The following PHLPP2 variants were observed in gnomAD, a reference collection of about 807,000 sequenced individuals.
The protein encoded by PHLPP2 is PH domain and leucine rich repeat protein phosphatase 2, also known as PH domain leucine-rich repeat-containing protein phosphatase 2.
In PHLPP2, 66 loss-of-function variants were observed where a neutral mutation model predicts 124.9. That is an observed-to-expected ratio of 0.53 (90% CI 0.43 to 0.65). PHLPP2 has a LOEUF of 0.65. Ranked by LOEUF, PHLPP2 falls within the 30% of genes least tolerant of loss-of-function variation. The pLI, the probability that PHLPP2 is intolerant of heterozygous loss-of-function variation, is 0.00. For synonymous variants in PHLPP2, 681 were observed against 624.7 expected (o/e 1.09, Z -1.34); for missense variants, 1,685 against 1,600.4 (o/e 1.05, Z -0.90).
chr16:71,707,747 G>T (rs1469322863), intron 2 of PHLPP2, among the ~76,000 whole-genome samples: 1 of 152,160 alleles, frequency 6.6e-6, no homozygotes, highest in Non-Finnish European at 1.5e-5. Context: ...TCAGTTGGCT[G>T]GTGCTGATTT....
At position 71,653,024 on chromosome 16, in the gene PHLPP2, G is replaced by T; in HGVS notation, c.2586-3C>A. On this transcript the variant is annotated splice_region_variant and splice_polypyrimidine_tract_variant and intron_variant, in intron 17 of 18. Coordinates refer to ENST00000568954, the MANE Select transcript of PHLPP2 (RefSeq NM_015020.3). ...TCTGGCCAGCCATTCCTAATTTCCT[G>T]TTCAGAAAGAAAAGGAAAAGAAGAC... The T allele has an allele frequency of 1.9e-6, 3 of 1,599,346 alleles. No individual in the cohort carries two copies. The highest frequency in any genetic ancestry group is 2.6e-6 in the Non-Finnish European group (3 of 1,169,914).
At chr16:71,684,689 A>C (rs1378401108) in intron 4 of PHLPP2, 88 bp from the exon 5 acceptor site, 2 of 1,239,464 alleles carry the variant, frequency 1.6e-6, no homozygotes, top group African/African-American at 1.5e-5. Flanking sequence ...CGAACAACTG[A>C]ATTTTTAAAA....
At chr16:71,656,702 T>A in intron 15 of PHLPP2, 21 bp from the exon 16 acceptor site, 1 of 1,337,690 alleles carries the variant, frequency 7.5e-7, no homozygotes, top group East Asian at 2.3e-5. Context: ...TGAAGGAAGA[T>A]TAAACCATAT....
Position 71,648,372 on chromosome 16 carries a change from G to A in PHLPP2, c.*518C>T, listed in dbSNP as rs1267050210. 6.2e-6 allele frequency: 1 copy of A among 160,548 alleles called. No individual in the cohort carries two copies. The highest frequency in any genetic ancestry group is 1.4e-5 in the Non-Finnish European group (1 of 71,424). The allele number at this position is 160,548 out of a possible 1,614,324, so 9.9% of individuals were successfully genotyped here. ...GGGAATTCCAATGCAGGTTAAATGT[G>A]AAACTTAACACTGATAGTGGCTACC... On this transcript the variant is annotated 3_prime_UTR_variant, in exon 19 of 19. Transcript: ENST00000568954.
chr16:71,680,131 T>A (rs1005240063), intron 6 of PHLPP2, among the ~76,000 whole-genome samples: 4 of 152,160 alleles, frequency 2.6e-5, no homozygotes, highest in African/African-American at 9.7e-5. Flanking sequence ...CAGCTCTTGC[T>A]GGTACAATTC....
At chr16:71,695,627 T>C (rs2045161602) in intron 3 of PHLPP2, among the ~76,000 whole-genome samples, 1 of 151,910 alleles carries the variant, frequency 6.6e-6, no homozygotes, top group African/African-American at 2.4e-5. Context: ...GCAGAATCGC[T>C]TGAACCTGGG....
intron 12 of PHLPP2, among the ~76,000 whole-genome samples, chr16:71,665,334 A>G (rs1340203969): frequency 6.6e-6 from 1 of 152,210 alleles, no homozygotes; most frequent in Non-Finnish European, 1.5e-5. Flanking sequence ...ATACTTCCAC[A>G]AGAAGACTAT....
At chr16:71,723,730 C>A in intron 1 of PHLPP2, 1 of 1,023,674 alleles carries the variant, frequency 9.8e-7, no homozygotes, top group South Asian at 1.8e-5. Context: ...CTTGCCCGCT[C>A]GCCCGCTCGC....
At position 71,690,620 on chromosome 16, in the gene PHLPP2, C is replaced by A; in HGVS notation, c.508G>T (p.Ala170Ser). ...RKGKTQLHKW[A>S]ERLVVLCGTC... ...CCACAGAGGACAACTAGGCGCTCAG[C>A]CCACTTATGCAGCTGGGTCTTTCCC... The change falls in exon 4 of 19, where the codon GCT (alanine) becomes TCT (serine). Residue 170 changes from alanine to serine, a missense_variant. By Grantham distance (99) the Ala-to-Ser change is moderately conservative (BLOSUM62 1). Coordinates refer to ENST00000568954, the MANE Select transcript of PHLPP2 (RefSeq NM_015020.3). The A allele has an allele frequency of 1.9e-6, 3 of 1,612,538 alleles. No homozygotes were observed. Among genetic ancestry groups the A allele is most frequent in the Non-Finnish European group, 1.7e-6 (2 of 1,178,526 alleles).
chr16:71,649,025 G>A lies in PHLPP2; in HGVS notation c.3837C>T (p.Asp1279=). 1 of 1,614,096 alleles carries A rather than the reference G, an allele frequency of 6.2e-7. No individual in the cohort carries two copies. Residue 1279 remains aspartate, a synonymous_variant, in exon 19 of 19, where the codon GAC becomes GAT. Transcript: ENST00000568954. ...FAAPTQMEPE[D]QFVVPHDLEE... ...CCAGGTCATGAGGCACAACAAACTG[G>A]TCCTCTGGTTCCATCTGAGTGGGGG...
chr16:71,665,387 A>G (rs1322520581), intron 12 of PHLPP2, among the ~76,000 whole-genome samples: 2 of 152,236 alleles, frequency 1.3e-5, no homozygotes, highest in Admixed American at 1.3e-4. Context: ...ACTGAATATT[A>G]CAAATCCATT....
At chr16:71,717,667 C>G (rs1365469789) in intron 1 of PHLPP2, among the ~76,000 whole-genome samples, 2 of 152,050 alleles carry the variant, frequency 1.3e-5, no homozygotes, top group African/African-American at 4.8e-5. Flanking sequence ...TTAAATACTC[C>G]TCATTTTTTA....
chr16:71,649,287 A>G lies in PHLPP2; in HGVS notation c.3575T>C (p.Leu1192Pro), dbSNP rs2145300308. Residue 1192 changes from leucine to proline, a missense_variant, in exon 19 of 19, where the codon CTG (leucine) becomes CCG (proline). Physicochemically the swap from Leu to Pro is moderately conservative, Grantham distance 98. Transcript: ENST00000568954. ...CCCTCTAGCATGTTCCTCAGAACAC[A>G]GGGTAGGAGAACTCTCTATGAGAGG... ...SPPLIESSPTLCSEEHARGSC... is the reference protein window; with the variant it reads ...SPPLIESSPTPCSEEHARGSC... 1 of 1,614,034 alleles carries G rather than the reference A, an allele frequency of 6.2e-7. No individual in the cohort carries two copies. The highest frequency in any genetic ancestry group is 1.1e-5 in the South Asian group (1 of 91,074).
chr16:71,647,196 C>A lies in PHLPP2; in HGVS notation c.*1694G>T, dbSNP rs757409840. 1 of 152,468 alleles carries A rather than the reference C, an allele frequency of 6.6e-6. No homozygotes were observed. Among genetic ancestry groups the A allele is most frequent in the Non-Finnish European group, 1.5e-5 (1 of 68,010 alleles). The allele number at this position is 152,468 out of a possible 1,614,324, so 9.4% of individuals were successfully genotyped here. On this transcript the variant is annotated 3_prime_UTR_variant, in exon 19 of 19. Transcript: ENST00000568954. ...CCCCATTGGGTAAAATCAAGCAATG[C>A]CAACATTTTGTGGGAATAAATAGGA...
Position 71,650,009 on chromosome 16 carries a change from C to T in PHLPP2, c.2853G>A (p.Arg951=). ...GGTAGAGGTATGTACAGCCCAGCAT[C>T]CGGGTACAGCAGGTTACCCCATTCA... The part of the protein sequence containing the change: ...NKVNGVTCCT[R]MLGCTYLYPW... Residue 951 remains arginine, a synonymous_variant, in exon 19 of 19, where the codon CGG becomes CGA. Transcript: ENST00000568954. 6.2e-7 allele frequency: 1 copy of T among 1,611,292 alleles called. No individual in the cohort carries two copies. Among genetic ancestry groups the T allele is most frequent in the East Asian group, 2.2e-5 (1 of 44,878 alleles).
intron 17 of PHLPP2, among the ~76,000 whole-genome samples, chr16:71,654,714 A>C (rs914571040): frequency 5.9e-5 from 9 of 152,224 alleles, no homozygotes; most frequent in Non-Finnish European, 1.2e-4. Context: ...CACATTTTCA[A>C]CTTATGATGT....
At position 71,672,312 on chromosome 16, in the gene PHLPP2, T is replaced by G; in HGVS notation, c.1482A>C (p.Ala494=). The change falls in exon 10 of 19, where the codon GCA becomes GCC. Residue 494 remains alanine (A), a synonymous_variant. Coordinates refer to ENST00000568954, the MANE Select transcript of PHLPP2 (RefSeq NM_015020.3). ...TLYASSNRLT[A]VNVYPVPSLL... ...GGCTGGGTACTGGATAGACGTTCAC[T>G]GCTGTCAGCCCTAATCCAAAAACAA... is the stretch of plus-strand genomic sequence containing the variant. The G allele has an allele frequency of 1.9e-6, 3 of 1,613,230 alleles. No homozygotes were observed. The highest frequency in any genetic ancestry group is 2.5e-6 in the Non-Finnish European group (3 of 1,179,194).
At chr16:71,692,075 A>AT (rs879358959) in intron 3 of PHLPP2, among the ~76,000 whole-genome samples, 78 of 147,770 alleles carry the variant, frequency 5.3e-4, no homozygotes, top group South Asian at 1.1e-3. Context: ...TTATTACATA[A>AT]TTTTTTTTTT....
chr16:71,720,309 G>A (rs2045390638), intron 1 of PHLPP2, among the ~76,000 whole-genome samples: 1 of 151,564 alleles, frequency 6.6e-6, no homozygotes, highest in Non-Finnish European at 1.5e-5. Flanking sequence ...GCAGAGACGG[G>A]GTTTCACTAT....
Sources: allele counts gnomAD v4.1 joint callset (sites outside exome capture counted in the v4.1 genomes callset), GRCh38; gene constraint gnomAD v4.1.1; transcripts MANE v1.5; gene names NCBI Gene and HGNC (gene_info 2026-07-23, HGNC 2026-07-21).